Variants in USH2A observed in about 807,000 individuals in gnomAD.
The protein encoded by USH2A is Usher syndrome 2A (autosomal recessive, mild).
Under a neutral mutation model 538.9 loss-of-function variants are expected in USH2A, and 443 were observed. That is an observed-to-expected ratio of 0.82 (90% confidence interval 0.76 to 0.89). The LOEUF is 0.89. Ranked by LOEUF, USH2A falls within the 40% of genes least tolerant of loss-of-function variation. The pLI, the probability that USH2A is intolerant of heterozygous loss-of-function variation, is 0.00. For synonymous variants in USH2A, 2,413 were observed against 2,273.5 expected, an observed-to-expected ratio of 1.06 and a Z score of -1.75; for missense variants, 6,633 against 6,324.8, an observed-to-expected ratio of 1.05 and a Z score of -1.65.
intron 11 of USH2A, among the ~76,000 whole-genome samples, chr1:216,279,679 C>T (rs1428778857): frequency 1.3e-5 from 2 of 152,088 alleles, no homozygotes; most frequent in Admixed American, 6.5e-5. Flanking sequence ...TGATGACCAC[C>T]ATCTTGACTA....
intron 35 of USH2A, among the ~76,000 whole-genome samples, chr1:215,986,483 A>T (rs1371694311): frequency 1.3e-5 from 2 of 151,948 alleles, no homozygotes; most frequent in Non-Finnish European, 2.9e-5. Context: ...TGTGGTTATT[A>T]ACAAATCCTG....
intron 32 of USH2A, among the ~76,000 whole-genome samples, chr1:216,026,244 G>A (rs1399389831): frequency 6.6e-6 from 1 of 152,064 alleles, no homozygotes; most frequent in Non-Finnish European, 1.5e-5. Context: ...TCTAAAATAT[G>A]CACCAACCTT....
chr1:215,874,191 G>C (rs1664696484), intron 43 of USH2A, among the ~76,000 whole-genome samples: 2 of 152,146 alleles, frequency 1.3e-5, no homozygotes, highest in Non-Finnish European at 2.9e-5. Context: ...GATTTTCTAA[G>C]TGATGAAAAT....
At chr1:216,307,246 GCT>G (rs1558377827) in intron 9 of USH2A, among the ~76,000 whole-genome samples, 1 of 152,118 alleles carries the variant, frequency 6.6e-6, no homozygotes, top group African/African-American at 2.4e-5. Context: ...TGCTGAAGCT[GCT>G]CTGAGTGTTG....
chr1:215,912,448 T>C (rs1273187727), intron 38 of USH2A, among the ~76,000 whole-genome samples: 3 of 45,708 alleles, frequency 6.6e-5, no homozygotes, highest in Non-Finnish European at 1.4e-4. Context: ...AGGTAGTAGG[T>C]ATGTGTATAT....
intron 21 of USH2A, among the ~76,000 whole-genome samples, chr1:216,126,769 T>C (rs1571982495): frequency 6.6e-6 from 1 of 152,150 alleles, no homozygotes; most frequent in East Asian, 1.9e-4. Context: ...TTTGATTAAA[T>C]AGATTTAAAG....
chr1:215,631,610 G>A (rs1006450799), intron 70 of USH2A, among the ~76,000 whole-genome samples: 6 of 152,254 alleles, frequency 3.9e-5, no homozygotes, highest in Middle Eastern at 3.4e-3. Flanking sequence ...AATTCCACCC[G>A]GTGCCCTGGT....
intron 69 of USH2A, among the ~76,000 whole-genome samples, chr1:215,638,360 C>G (rs1253042249): frequency 6.6e-6 from 1 of 152,162 alleles, no homozygotes; most frequent in African/African-American, 2.4e-5. Context: ...TGGCTCACGC[C>G]TGTAATTCCA....
intron 47 of USH2A, among the ~76,000 whole-genome samples, chr1:215,819,021 C>T (rs1448985699): frequency 6.6e-6 from 1 of 151,662 alleles, no homozygotes; most frequent in Non-Finnish European, 1.5e-5. Context: ...CTCTGACATT[C>T]AAGATTAGTT....
chr1:215,859,232 G>T (rs988015202), intron 44 of USH2A, among the ~76,000 whole-genome samples: 2 of 152,012 alleles, frequency 1.3e-5, no homozygotes, highest in Admixed American at 6.6e-5. Context: ...AACCAAACAA[G>T]AATTGAAAAT....
chr1:215,813,155 T>C (rs774424907), intron 49 of USH2A, among the ~76,000 whole-genome samples: 62 of 152,322 alleles, frequency 4.1e-4, no homozygotes, highest in South Asian at 4.1e-4. Context: ...TTGTTTTATG[T>C]AGTTGAAATT....
chr1:215,777,696 A>ACTTAGTG (rs1661504217), intron 55 of USH2A, among the ~76,000 whole-genome samples: 1 of 152,210 alleles, frequency 6.6e-6, no homozygotes, highest in African/African-American at 2.4e-5. Context: ...ATTTTAGACC[A>ACTTAGTG]CTTAGTGTAC....
intron 60 of USH2A, among the ~76,000 whole-genome samples, chr1:215,737,476 C>G (rs2102722067): frequency 6.6e-6 from 1 of 151,998 alleles, no homozygotes; most frequent in East Asian, 1.9e-4. Context: ...ATATTCTAGA[C>G]ACAGAATTAT....
intron 38 of USH2A, among the ~76,000 whole-genome samples, chr1:215,932,023 A>G (rs1666376716): frequency 6.6e-6 from 1 of 152,006 alleles, no homozygotes; most frequent in South Asian, 2.1e-4. Context: ...TTGATGAAGT[A>G]AAAAAGAGCA....
rs145795785 is a variant in USH2A, at chr1:215,998,785, A to G, written c.6657+102T>C. 1.8e-3 allele frequency: 2,191 copies of G among 1,225,290 alleles called. 29 individuals are homozygous for G. The African/African-American group carries it at 0.028, about 16-fold the overall frequency. The allele number at this position is 1,225,290 out of a possible 1,614,324, so 75.9% of individuals were successfully genotyped here. ...TAAACAGCAATACATGAAGATTTTG[A>G]CTTTTTTTTTTTTAAGTGAGAGAGA... is the stretch of plus-strand genomic sequence containing the variant. On this transcript the variant is annotated intron_variant, in intron 34 of 71. Coordinates refer to ENST00000307340, the MANE Select transcript of USH2A (RefSeq NM_206933.4).
chr1:216,326,672 T>C (rs2037739422), intron 5 of USH2A, among the ~76,000 whole-genome samples: 1 of 152,176 alleles, frequency 6.6e-6, no homozygotes, highest in South Asian at 2.1e-4. Flanking sequence ...TACTGAGGCA[T>C]ACCTTGATTA....
chr1:215,685,452 G>A (rs1182867826), intron 61 of USH2A, among the ~76,000 whole-genome samples: 1 of 151,634 alleles, frequency 6.6e-6, no homozygotes, highest in Non-Finnish European at 1.5e-5. Context: ...CCGCCTCCTG[G>A]GTTCGAGCGA....
At chr1:216,126,757 A>G (rs138638751) in intron 21 of USH2A, among the ~76,000 whole-genome samples, 8 of 152,254 alleles carry the variant, frequency 5.3e-5, no homozygotes, top group African/African-American at 1.9e-4. Flanking sequence ...TGTTTTACCA[A>G]ATTTGATTAA....
rs1663494067 is a variant in USH2A at position 215,836,471 on chromosome 1, TATATATATAATATATA to T, written c.9371+1504_9371+1519del. Among the ~76,000 whole-genome samples the T allele has an allele frequency of 1.5e-4, 2 of 12,912 alleles. 1 individual carries two copies. Among genetic ancestry groups the T allele is most frequent in the Admixed American group, 4.1e-3 (2 of 492 alleles). The allele number at this position is 12,912 out of a possible 152,430, so 8.5% of individuals were successfully genotyped here. ...TGTGTGTGTGTATATATATTATATA[TATATATATAATATATA>T]TTATATATATAATATATATTATATA... On this transcript the variant is annotated intron_variant, in intron 47 of 71. Coordinates refer to ENST00000307340, the MANE Select transcript of USH2A (RefSeq NM_206933.4).
Sources: gnomAD v4.1 joint callset for allele counts (sites outside exome capture counted in the v4.1 genomes callset) on GRCh38, gnomAD v4.1.1 for gene constraint, MANE v1.5 for transcripts, NCBI Gene and HGNC (gene_info 2026-07-23, HGNC 2026-07-21) for gene names.